Variants in CHST9 observed in about 807,000 individuals in gnomAD.
CHST9 encodes the protein GalNAc-4-sulfotransferase 2.
CHST9 carries 41 observed loss-of-function variants against 44.4 expected under a neutral mutation model. The ratio of observed to expected loss-of-function variants is 0.92; its 90% CI spans 0.72 to 1.20. The LOEUF (loss-of-function observed/expected upper bound fraction) is 1.20, where lower values mean the gene tolerates loss of function less well. Among genes scored for constraint, CHST9 ranks in the 50% most tolerant of loss-of-function variants. The pLI is 0.00. For synonymous variants in CHST9, 171 were observed against 178.4 expected (o/e 0.96, Z 0.33); for missense variants, 504 against 516.5 (o/e 0.98, Z 0.23).
At chr18:27,004,311 C>T (rs1296171751) in intron 4 of CHST9, among the ~76,000 whole-genome samples, 1 of 148,922 alleles carries the variant, frequency 6.7e-6, no homozygotes, top group South Asian at 2.1e-4. Flanking sequence ...TCAAGCAGGG[C>T]GGGGGCGTTT....
chr18:26,919,412 T>G lies in CHST9; in HGVS notation c.241-2062A>C, dbSNP rs151280880. On this transcript the variant is annotated intron_variant, in intron 5 of 5. Transcript: ENST00000618847. ...AAAGTTGTCACTGAAAATATAAAAT[T>G]TGACTGTGGTTTGACAGACCATAGG... 3.1e-4 allele frequency among the ~76,000 whole-genome samples: 47 copies of G among 152,284 alleles called. No individual in the cohort carries two copies. In the East Asian group the frequency reaches 9.1e-3, roughly 29 times the overall value.
chr18:26,922,052 T>C (rs1311188184), intron 5 of CHST9, among the ~76,000 whole-genome samples: 1 of 152,224 alleles, frequency 6.6e-6, no homozygotes, highest in African/African-American at 2.4e-5. Context: ...ACATTTTGTT[T>C]TTTATTTCTT....
intron 2 of CHST9, among the ~76,000 whole-genome samples, chr18:27,126,174 T>A (rs1458756132): frequency 6.6e-6 from 1 of 152,184 alleles, no homozygotes; most frequent in Non-Finnish European, 1.5e-5. Context: ...AAACATCATT[T>A]TCATGGTTAC....
chr18:26,998,409 A>C (rs2056910272), intron 4 of CHST9, among the ~76,000 whole-genome samples: 1 of 152,190 alleles, frequency 6.6e-6, no homozygotes, highest in African/African-American at 2.4e-5. Context: ...TAAAGAAATA[A>C]AAGTATTAAT....
intron 1 of CHST9, among the ~76,000 whole-genome samples, chr18:27,184,464 C>T (rs138728765): frequency 6.6e-5 from 10 of 152,242 alleles, no homozygotes; most frequent in African/African-American, 1.9e-4. Flanking sequence ...CAGAAACAAA[C>T]ACACCATTCC....
At chr18:27,071,952 C>A (rs2057845221) in intron 2 of CHST9, among the ~76,000 whole-genome samples, 1 of 152,126 alleles carries the variant, frequency 6.6e-6, no homozygotes, top group Non-Finnish European at 1.5e-5. Context: ...TACCAATTGG[C>A]CTTCTACATA....
At chr18:27,023,146 A>G (rs1331899247) in intron 4 of CHST9, among the ~76,000 whole-genome samples, 2 of 152,220 alleles carry the variant, frequency 1.3e-5, no homozygotes, top group African/African-American at 4.8e-5. Context: ...ATGAAAACAA[A>G]TGTTACCTGC....
chr18:27,006,086 C>A (rs908462122), intron 4 of CHST9, among the ~76,000 whole-genome samples: 1 of 152,152 alleles, frequency 6.6e-6, no homozygotes, highest in African/African-American at 2.4e-5. Flanking sequence ...TTACTTCCAT[C>A]ACCTTTTTAC....
chr18:27,143,888 A>G (rs887425617), intron 1 of CHST9, among the ~76,000 whole-genome samples: 5 of 152,184 alleles, frequency 3.3e-5, no homozygotes, highest in Non-Finnish European at 7.3e-5. Context: ...GCAGCAAACC[A>G]CCATGGCACA....
At chr18:26,995,944 G>T (rs1343678054) in intron 4 of CHST9, among the ~76,000 whole-genome samples, 1 of 152,196 alleles carries the variant, frequency 6.6e-6, no homozygotes, top group Non-Finnish European at 1.5e-5. Flanking sequence ...AGAGCTAAAA[G>T]TTCAAGAATT....
chr18:27,090,026 T>C (rs1295962793), intron 2 of CHST9, among the ~76,000 whole-genome samples: 1 of 152,106 alleles, frequency 6.6e-6, no homozygotes, highest in South Asian at 2.1e-4. Flanking sequence ...TTAGCCAGTA[T>C]GGTCTCAATC....
At chr18:27,158,945 T>C (rs2058721569) in intron 1 of CHST9, among the ~76,000 whole-genome samples, 1 of 152,260 alleles carries the variant, frequency 6.6e-6, no homozygotes, top group African/African-American at 2.4e-5. Flanking sequence ...CGCCCACTTT[T>C]TGATGGGGCT....
chr18:27,125,274 T>C (rs577306328), intron 2 of CHST9, among the ~76,000 whole-genome samples: 37 of 152,236 alleles, frequency 2.4e-4, no homozygotes, highest in Non-Finnish European at 4.0e-4. Flanking sequence ...ATAAAAGTAA[T>C]TTGAAAGCTG....
intron 2 of CHST9, among the ~76,000 whole-genome samples, chr18:27,067,890 A>C (rs976680247): frequency 6.6e-6 from 1 of 152,144 alleles, no homozygotes; most frequent in African/African-American, 2.4e-5. Flanking sequence ...AATCTGTGGG[A>C]AAACAAAGAA....
At chr18:27,024,072 T>C in intron 4 of CHST9, 44 bp downstream of exon 4, 1 of 1,585,880 alleles carries the variant, frequency 6.3e-7, no homozygotes, top group Non-Finnish European at 8.6e-7. Context: ...GCTCTGCTTA[T>C]CTATAACTAC....
In CHST9 at chr18:27,024,156, T is replaced by A. The variant is rs761882201; in HGVS notation, c.162A>T (p.Gly54=). ...EKRREQKVTS[G]WGPVKYLRPV... is the part of the protein sequence containing the mutation. ...GCCGCAAGTACTTCACTGGTCCCCA[T>A]CCTGAAAAAGAAGAGGAAAGAAATT... The change falls in exon 4 of 6, where the codon GGA becomes GGT. Residue 54 remains glycine (G), a splice_region_variant and synonymous_variant. Transcript: ENST00000618847. 2.5e-6 allele frequency: 4 copies of A among 1,609,978 alleles called. No homozygotes were observed. In the Admixed American group the frequency reaches 5.1e-5, roughly 20 times the overall value.
intron 2 of CHST9, among the ~76,000 whole-genome samples, chr18:27,106,027 C>A (rs534927787): frequency 5.9e-5 from 9 of 151,910 alleles, no homozygotes; most frequent in South Asian, 2.1e-4. Flanking sequence ...ATTTTACTCA[C>A]GAAACTAAAA....
intron 2 of CHST9, among the ~76,000 whole-genome samples, chr18:27,077,824 G>A (rs541650689): frequency 1.3e-5 from 2 of 152,244 alleles, no homozygotes; most frequent in African/African-American, 4.8e-5. Context: ...ACCGAGACTG[G>A]GTAATCTATA....
intron 2 of CHST9, among the ~76,000 whole-genome samples, chr18:27,095,542 A>G (rs9952135): frequency 0.34 from 51,772 of 152,016 alleles, 9,210 homozygotes; most frequent in East Asian, 0.5. Context: ...TCTTCAAGAG[A>G]GCCATCTCAA....
Sources: allele counts gnomAD v4.1 joint callset (sites outside exome capture counted in the v4.1 genomes callset), GRCh38; gene constraint gnomAD v4.1.1; transcripts MANE v1.5; gene names NCBI Gene and HGNC (gene_info 2026-07-23, HGNC 2026-07-21).